DMD: variants seen among roughly 807,000 people sequenced by gnomAD.
DMD encodes dystrophin.
In DMD, 63 loss-of-function variants were observed where a neutral mutation model predicts 330.1. The ratio of observed to expected loss-of-function variants is 0.19; its 90% CI spans 0.16 to 0.24. DMD has a LOEUF of 0.24. Ranked by LOEUF, DMD falls within the 10% of genes least tolerant of loss-of-function variation. The probability of loss-of-function intolerance (pLI) is 1.00; values close to 1 mark genes in which losing one functional copy is unlikely to be tolerated. For synonymous variants in DMD, 1,223 were observed against 959.8 expected, an observed-to-expected ratio of 1.27 and a Z score of -5.07; for missense variants, 3,344 against 2,684.1, an observed-to-expected ratio of 1.25 and a Z score of -5.43.
At chrX:32,086,721 T>C (rs2096442075) in intron 44 of DMD, among the ~76,000 whole-genome samples, 1 of 111,729 alleles carries the variant, frequency 9.0e-6, no homozygotes, top group Non-Finnish European at 1.9e-5. Context: ...TTCTTATTTG[T>C]CTGTGTCAAC....
intron 44 of DMD, among the ~76,000 whole-genome samples, chrX:32,006,769 G>T (rs1267075498): frequency 9.1e-6 from 1 of 109,920 alleles, no homozygotes; most frequent in African/African-American, 3.3e-5. Context: ...CCAAAGACTG[G>T]TGTCCTTTTG....
At chrX:32,053,755 C>T in intron 44 of DMD, among the ~76,000 whole-genome samples, 1 of 111,531 alleles carries the variant, frequency 9.0e-6, no homozygotes. Flanking sequence ...CTAATTGCAT[C>T]TTTGTTGGCA....
intron 64 of DMD, among the ~76,000 whole-genome samples, chrX:31,212,157 TA>T (rs1374747745): frequency 1.3e-4 from 10 of 77,331 alleles, no homozygotes; most frequent in Non-Finnish European, 2.5e-4. Flanking sequence ...TATATATATA[TA>T]TATATATATG....
intron 55 of DMD, among the ~76,000 whole-genome samples, chrX:31,550,753 A>G (rs1293041189): frequency 8.9e-6 from 1 of 112,027 alleles, no homozygotes; most frequent in Admixed American, 9.5e-5. Flanking sequence ...TATATCCACT[A>G]AAGTCCTAAA....
intron 51 of DMD, among the ~76,000 whole-genome samples, chrX:31,746,895 T>C (rs1046186820): frequency 9.0e-6 from 1 of 111,144 alleles, no homozygotes; most frequent in African/African-American, 3.3e-5. Context: ...ATGGTTACCT[T>C]TGGACGTACA....
intron 55 of DMD, among the ~76,000 whole-genome samples, chrX:31,615,251 T>A (rs771292640): frequency 8.9e-6 from 1 of 112,157 alleles, no homozygotes; most frequent in Non-Finnish European, 1.9e-5. Context: ...ATTATGTGGA[T>A]CTTGTCCAGG....
chrX:32,713,592 C>G (rs1569481249), intron 7 of DMD, among the ~76,000 whole-genome samples: 1 of 111,856 alleles, frequency 8.9e-6, no homozygotes, highest in Non-Finnish European at 1.9e-5. Context: ...TATTGCTCCT[C>G]TCTAGATTAT....
chrX:33,038,309 T>C (rs1276984951), intron 1 of DMD, among the ~76,000 whole-genome samples: 2 of 111,951 alleles, frequency 1.8e-5, no homozygotes, highest in African/African-American at 6.5e-5. Flanking sequence ...TATAAGGAGA[T>C]GAAAGGGATT....
chrX:32,629,277 G>A (rs2058578009), intron 11 of DMD, among the ~76,000 whole-genome samples: 1 of 111,797 alleles, frequency 8.9e-6, no homozygotes, highest in East Asian at 2.8e-4. Context: ...GACCGGCGTT[G>A]TCCCTTTTTA....
intron 7 of DMD, among the ~76,000 whole-genome samples, chrX:32,793,974 T>C (rs2076007001): frequency 9.0e-6 from 1 of 111,714 alleles, no homozygotes; most frequent in Non-Finnish European, 1.9e-5. Context: ...TGAACACTGA[T>C]GTAGAAATTC....
Position 33,210,893 on chromosome X carries a change from C to A in DMD, c.31+389G>T, listed in dbSNP as rs990836935. On this transcript the variant is annotated intron_variant, in intron 1 of 78. Transcript: ENST00000357033. ...TTGAGAATATATGTCAGGTCAGTAACCTTTATGTAACTGTTACTAAATACG... is the reference window on the plus strand; with the variant it reads ...TTGAGAATATATGTCAGGTCAGTAAACTTTATGTAACTGTTACTAAATACG... Among the ~76,000 whole-genome samples the A allele has an allele frequency of 2.7e-5, 3 of 111,266 alleles. No homozygotes were observed. The Admixed American group carries it at 2.9e-4, about 11-fold the overall frequency.
intron 57 of DMD, 46 bp from the exon 58 acceptor site, chrX:31,479,149 C>A: frequency 8.3e-7 from 1 of 1,201,860 alleles, no homozygotes. Flanking sequence ...TTGTGGCATT[C>A]TTCTCAAAAT....
chrX:32,550,249 G>GA (rs1021393996), intron 16 of DMD, among the ~76,000 whole-genome samples: 2 of 111,493 alleles, frequency 1.8e-5, no homozygotes, highest in African/African-American at 6.5e-5. Flanking sequence ...ACAATCTTTA[G>GA]AAAATTTTTT....
chrX:32,169,917 GA>G (rs779399259), intron 44 of DMD, among the ~76,000 whole-genome samples: 20 of 110,344 alleles, frequency 1.8e-4, no homozygotes, highest in East Asian at 1.4e-3. Flanking sequence ...TGACAATAAA[GA>G]AAAAAAACTC....
chrX:33,262,037 T>C (rs1225507293), intron 1 of DMD, among the ~76,000 whole-genome samples: 4 of 110,343 alleles, frequency 3.6e-5, no homozygotes. Context: ...TTAAATAATA[T>C]GTTTAGAATT....
intron 4 of DMD, among the ~76,000 whole-genome samples, chrX:32,831,649 CGTGTGTGTGTGTGTGT>C (rs6151283): frequency 0.033 from 2,999 of 89,714 alleles, 39 homozygotes; most frequent in East Asian, 0.071. Context: ...AAGATATTTA[CGTGTGTGTGTGTGTGT>C]GTGTGTGTGT....
chrX:31,350,641 G>GAC (rs1278537000), intron 60 of DMD, among the ~76,000 whole-genome samples: 2 of 81,590 alleles, frequency 2.5e-5, no homozygotes, highest in Non-Finnish European at 4.8e-5. Flanking sequence ...GTGAGAGAGA[G>GAC]AGAGAGAGAG....
chrX:32,183,143 A>C (rs1395238021), intron 44 of DMD, among the ~76,000 whole-genome samples: 1 of 111,236 alleles, frequency 9.0e-6, no homozygotes, highest in Non-Finnish European at 1.9e-5. Flanking sequence ...TCAAACCATA[A>C]CATTTTCAAG....
intron 74 of DMD, among the ~76,000 whole-genome samples, chrX:31,149,469 G>C (rs2037126778): frequency 8.9e-6 from 1 of 111,955 alleles, no homozygotes; most frequent in African/African-American, 3.2e-5. Context: ...TTGGTTTTCT[G>C]ATTTTATGAA....
Sources: gnomAD v4.1 joint callset for allele counts (sites outside exome capture counted in the v4.1 genomes callset) on GRCh38, gnomAD v4.1.1 for gene constraint, MANE v1.5 for transcripts, NCBI Gene and HGNC (gene_info 2026-07-23, HGNC 2026-07-21) for gene names.